CFAP299: variants seen among roughly 807,000 people sequenced by gnomAD.
CFAP299 encodes cilia and flagella associated protein 299, also known as cilia- and flagella-associated protein 299.
In CFAP299, 21 loss-of-function variants were observed where a neutral mutation model predicts 27.0. The ratio of observed to expected loss-of-function variants is 0.78; its 90% CI spans 0.55 to 1.12. The LOEUF is 1.12. CFAP299 is among the 50% of genes most tolerant of loss of function. CFAP299 has a pLI of 0.00. For synonymous variants in CFAP299, 104 were observed against 98.1 expected (o/e 1.06, Z -0.36); for missense variants, 310 against 276.6 (o/e 1.12, Z -0.86).
At chr4:80,813,034 T>C (rs1729234977) in intron 3 of CFAP299, among the ~76,000 whole-genome samples, 1 of 152,068 alleles carries the variant, frequency 6.6e-6, no homozygotes, top group African/African-American at 2.4e-5. Flanking sequence ...AAAAAGCGCA[T>C]TGCTTTAAAA....
intron 3 of CFAP299, among the ~76,000 whole-genome samples, chr4:80,859,955 C>T (rs906927321): frequency 1.1e-4 from 16 of 152,060 alleles, no homozygotes; most frequent in South Asian, 2.1e-4. Flanking sequence ...TGAATGTTGG[C>T]CTGTCTTGCT....
At chr4:80,331,149 G>C (rs185858253), upstream of CFAP299, among the ~76,000 whole-genome samples, 1 of 152,212 alleles carries the variant, frequency 6.6e-6, no homozygotes, top group African/African-American at 2.4e-5. Context: ...GAATGTCCTA[G>C]GCAGAGGGAA....
At chr4:80,587,979 T>C (rs1397304177) in intron 3 of CFAP299, among the ~76,000 whole-genome samples, 1 of 151,150 alleles carries the variant, frequency 6.6e-6, no homozygotes, top group East Asian at 1.9e-4. Context: ...GAGAAAGTTC[T>C]CTCATCTAAA....
At chr4:80,463,462 A>G (rs1176064910) in intron 2 of CFAP299, among the ~76,000 whole-genome samples, 4 of 152,162 alleles carry the variant, frequency 2.6e-5, no homozygotes, top group East Asian at 3.9e-4. Flanking sequence ...TTCATATATT[A>G]TATGTATTAG....
intron 2 of CFAP299, among the ~76,000 whole-genome samples, chr4:80,472,994 T>C (rs1730083966): frequency 6.6e-6 from 1 of 152,156 alleles, no homozygotes; most frequent in Non-Finnish European, 1.5e-5. Context: ...GATTACAGGC[T>C]AGTTAGTAGG....
intron 2 of CFAP299, among the ~76,000 whole-genome samples, chr4:80,365,471 G>T (rs1180597485): frequency 2.0e-5 from 3 of 152,194 alleles, no homozygotes; most frequent in Non-Finnish European, 4.4e-5. Context: ...TAAGATTAGA[G>T]AATGGATATC....
Position 80,652,491 on chromosome 4 carries a change from G to T in CFAP299, c.333+69308G>T, listed in dbSNP as rs190044368. ...ACTGGGAATGTCAAAGTTGGTGCTG[G>T]TTACACAGGGTTGTTTTACAGTATT... On this transcript the variant is annotated intron_variant, in intron 3 of 5. Coordinates refer to ENST00000358105, the MANE Select transcript of CFAP299 (RefSeq NM_152770.3). Among the ~76,000 whole-genome samples the T allele has an allele frequency of 3.5e-4, 54 of 152,168 alleles. No homozygotes were observed. In the East Asian group the frequency reaches 6.4e-3, roughly 18 times the overall value.
At chr4:80,581,069 A>G (rs1736137892) in intron 2 of CFAP299, among the ~76,000 whole-genome samples, 1 of 151,844 alleles carries the variant, frequency 6.6e-6, no homozygotes, top group Admixed American at 6.6e-5. Flanking sequence ...TAACCTAACC[A>G]CTGTTGATTT....
At chr4:80,711,307 G>T (rs1722155187) in intron 3 of CFAP299, among the ~76,000 whole-genome samples, 1 of 152,050 alleles carries the variant, frequency 6.6e-6, no homozygotes, top group Admixed American at 6.6e-5. Flanking sequence ...TAGTGTGGGT[G>T]AGCTGCTCAG....
At chr4:80,896,704 T>G (rs879842781) in intron 4 of CFAP299, among the ~76,000 whole-genome samples, 10 of 152,196 alleles carry the variant, frequency 6.6e-5, no homozygotes, top group Non-Finnish European at 1.3e-4. Flanking sequence ...TTTTGTAGTT[T>G]ATAACACATT....
intron 3 of CFAP299, among the ~76,000 whole-genome samples, chr4:80,744,309 T>C (rs71596033): frequency 0.06 from 9,086 of 150,592 alleles, 363 homozygotes; most frequent in South Asian, 0.17. Flanking sequence ...TCTCAAATTC[T>C]GATCAAGAGA....
chr4:80,700,738 A>G (rs1305118909), intron 3 of CFAP299, among the ~76,000 whole-genome samples: 2 of 152,106 alleles, frequency 1.3e-5, no homozygotes, highest in Admixed American at 1.3e-4. Context: ...GCAAATAGGT[A>G]TGACAATAGC....
At chr4:80,604,812 C>T (rs1485647721) in intron 3 of CFAP299, among the ~76,000 whole-genome samples, 1 of 151,250 alleles carries the variant, frequency 6.6e-6, no homozygotes, top group Non-Finnish European at 1.5e-5. Flanking sequence ...ATGAATTGCA[C>T]GTCACATCAG....
At chr4:80,634,309 G>A (rs911958868) in intron 3 of CFAP299, among the ~76,000 whole-genome samples, 1 of 152,028 alleles carries the variant, frequency 6.6e-6, no homozygotes, top group Non-Finnish European at 1.5e-5. Context: ...AGCACAGCAT[G>A]GTGGCTAAGA....
intron 2 of CFAP299, among the ~76,000 whole-genome samples, chr4:80,434,689 A>G (rs973289333): frequency 9.9e-5 from 15 of 152,194 alleles, no homozygotes; most frequent in African/African-American, 3.6e-4. Flanking sequence ...CCAAACCTAC[A>G]TCCTAAGACA....
intron 3 of CFAP299, among the ~76,000 whole-genome samples, chr4:80,719,823 TCTC>T (rs2110044584): frequency 6.6e-6 from 1 of 152,244 alleles, no homozygotes; most frequent in East Asian, 1.9e-4. Context: ...GTAAGGCACT[TCTC>T]CTGTCCAGCC....
chr4:80,775,573 G>C (rs201821328), intron 3 of CFAP299, among the ~76,000 whole-genome samples: 3 of 151,782 alleles, frequency 2.0e-5, no homozygotes, highest in African/African-American at 7.3e-5. Context: ...TTTCATCAAA[G>C]TAGTCTTTGC....
chr4:80,894,397 A>T (rs911662343), intron 4 of CFAP299, among the ~76,000 whole-genome samples: 2 of 151,982 alleles, frequency 1.3e-5, no homozygotes, highest in African/African-American at 4.8e-5. Context: ...TAACCAGTAC[A>T]TCTAATAATT....
At chr4:80,344,657 C>T (rs1206335290) in intron 1 of CFAP299, among the ~76,000 whole-genome samples, 1 of 152,152 alleles carries the variant, frequency 6.6e-6, no homozygotes, top group African/African-American at 2.4e-5. Flanking sequence ...CCAGTATTAT[C>T]CTGATACCAT....
Sources: gnomAD v4.1 joint callset for allele counts (sites outside exome capture counted in the v4.1 genomes callset) on GRCh38, gnomAD v4.1.1 for gene constraint, MANE v1.5 for transcripts, NCBI Gene and HGNC (gene_info 2026-07-23, HGNC 2026-07-21) for gene names.